Variants in SUPT5H observed in about 807,000 individuals in gnomAD.
The protein encoded by SUPT5H is transcription elongation factor SPT5.
A neutral mutation model predicts 142.5 loss-of-function variants in SUPT5H; 24 were observed. The observed-to-expected ratio is 0.17, with a 90% CI of 0.12 to 0.24. SUPT5H has a LOEUF of 0.24. Ranked by LOEUF, SUPT5H falls within the 10% of genes least tolerant of loss-of-function variation. The pLI is 1.00. For synonymous variants in SUPT5H, 546 were observed against 553.0 expected (o/e 0.99, Z 0.18); for missense variants, 893 against 1,471.8 (o/e 0.61, Z 6.43).
At chr19:39,471,760 T>G (rs1600723868) in intron 20 of SUPT5H, 30 bp downstream of exon 20, 2 of 1,603,120 alleles carry the variant, frequency 1.2e-6, no homozygotes, top group East Asian at 4.5e-5. Context: ...ACCCTGTGCG[T>G]TGGGTACCTG....
intron 10 of SUPT5H, among the ~76,000 whole-genome samples, chr19:39,461,519 T>G (rs1313204777): frequency 6.6e-6 from 1 of 151,870 alleles, no homozygotes; most frequent in African/African-American, 2.4e-5. Context: ...GACAACTGAT[T>G]TCTACAAAGA....
Position 39,469,003 on chromosome 19 carries a change from A to G in SUPT5H, c.1144-76A>G. On this transcript the variant is annotated intron_variant, in intron 14 of 29. Coordinates refer to ENST00000432763, the MANE Select transcript of SUPT5H (RefSeq NM_001111020.3). The surrounding 1 kb of genome is among the most constrained non-coding windows in gnomAD (Gnocchi z 5.1). ...TAGGAGAATTATTCCCCTAGGACCCACTCAGCCCACTCAGCTGGGCTGTTG... is the reference window on the plus strand; with the variant it reads ...TAGGAGAATTATTCCCCTAGGACCCGCTCAGCCCACTCAGCTGGGCTGTTG... 1 of 1,576,356 alleles carries G rather than the reference A, an allele frequency of 6.3e-7. No individual in the cohort carries two copies. The highest frequency in any genetic ancestry group is 8.7e-7 in the Non-Finnish European group (1 of 1,148,314).
intron 3 of SUPT5H, among the ~76,000 whole-genome samples, chr19:39,453,753 G>T (rs542416113): frequency 7.2e-5 from 11 of 152,226 alleles, no homozygotes; most frequent in South Asian, 4.1e-4. Context: ...TTTTAGTGGA[G>T]ACGGGGTTTC....
intron 2 of SUPT5H, among the ~76,000 whole-genome samples, chr19:39,446,463 G>A (rs76300438): frequency 0.013 from 2,051 of 152,302 alleles, 60 homozygotes; most frequent in African/African-American, 0.047. Context: ...TCTTGAAATA[G>A]GGTCATCAGC....
chr19:39,446,065 G>C, intron 2 of SUPT5H, 100 bp downstream of exon 2: 1 of 1,280,924 alleles, frequency 7.8e-7, no homozygotes, highest in Non-Finnish European at 1.1e-6. Flanking sequence ...GCGGGCTCTG[G>C]CTTCTGGGAA....
At chr19:39,452,245 G>A (rs2079030868) in intron 2 of SUPT5H, among the ~76,000 whole-genome samples, 1 of 152,176 alleles carries the variant, frequency 6.6e-6, no homozygotes, top group Non-Finnish European at 1.5e-5. Context: ...CCAGGATGCT[G>A]CTGGTGCATG....
At position 39,469,750 on chromosome 19, in the gene SUPT5H, A is replaced by G. The variant is rs2146119584; in HGVS notation, c.1374+352A>G. Reference sequence around the variant, plus strand: ...GTGTGTGTTTGTCTGTGTCTGGTGTATGTCTGAGGGGTTGTGCAGGCCCAG... The same window carrying G: ...GTGTGTGTTTGTCTGTGTCTGGTGTGTGTCTGAGGGGTTGTGCAGGCCCAG... On this transcript the variant is annotated intron_variant, in intron 16 of 29. Coordinates refer to ENST00000432763, the MANE Select transcript of SUPT5H (RefSeq NM_001111020.3). The surrounding 1 kb of genome is among the most constrained non-coding windows in gnomAD (Gnocchi z 5.1). 1 of 482,370 alleles carries G rather than the reference A, an allele frequency of 2.1e-6. No homozygotes were observed. Among genetic ancestry groups the G allele is most frequent in the Non-Finnish European group, 3.8e-6 (1 of 263,212 alleles). 29.9% of individuals were successfully genotyped at this position (482,370 alleles called of 1,614,324 possible). A position where few individuals can be genotyped will look rare whatever the true frequency, so the allele number is the denominator to read the frequency against.
In SUPT5H at chr19:39,476,290, C is replaced by T. The variant is rs377048747; in HGVS notation, c.3155C>T (p.Thr1052Met). The T allele has an allele frequency of 3.8e-5, 61 of 1,613,986 alleles. No homozygotes were observed. Among genetic ancestry groups the T allele is most frequent in the Non-Finnish European group, 4.7e-5 (56 of 1,180,036 alleles). The stretch of plus-strand genomic sequence containing the variant: ...ATCCTGGGCGAGGATCGGGAAGCCA[C>T]GGGCGTCCTACTGAGCATTGATGGT... Reference protein sequence around the residue: ...KVILGEDREATGVLLSIDGED... With the variant: ...KVILGEDREAMGVLLSIDGED... The change falls in exon 30 of 30, where the codon ACG becomes ATG. Residue 1052 changes from threonine to methionine, a missense_variant. By Grantham distance (81) the Thr-to-Met change is moderately conservative. Coordinates refer to ENST00000432763, the MANE Select transcript of SUPT5H (RefSeq NM_001111020.3).
rs376748341 is a variant in SUPT5H at position 39,473,563 on chromosome 19, T to C, written c.2492+42T>C. 1.6e-4 allele frequency: 254 copies of C among 1,581,760 alleles called. No homozygotes were observed. The highest frequency in any genetic ancestry group is 2.0e-4 in the Non-Finnish European group (234 of 1,166,634). On this transcript the variant is annotated intron_variant, in intron 25 of 29. Coordinates refer to ENST00000432763, the MANE Select transcript of SUPT5H (RefSeq NM_001111020.3). The surrounding 1 kb of genome is among the most constrained non-coding windows in gnomAD (Gnocchi z 5.8). The stretch of plus-strand genomic sequence containing the variant: ...CCAGGTTCTGGTGTGTGCTGGTGTG[T>C]GTGAGGGATGATGCTGGGTGTCTGG...
intron 2 of SUPT5H, among the ~76,000 whole-genome samples, chr19:39,452,542 G>A (rs2079033953): frequency 6.6e-6 from 1 of 152,140 alleles, no homozygotes; most frequent in South Asian, 2.1e-4. Context: ...GCATGGTTGG[G>A]GTGCCAGATG....
intron 10 of SUPT5H, 49 bp from the exon 11 acceptor site, chr19:39,464,749 T>G (rs1016900741): frequency 1.3e-5 from 20 of 1,544,966 alleles, no homozygotes; most frequent in Non-Finnish European, 1.7e-5. Flanking sequence ...ATTTCTGTTA[T>G]TAGCCGTTGT....
At chr19:39,465,843 C>A (rs566126938) in intron 11 of SUPT5H, among the ~76,000 whole-genome samples, 1 of 152,180 alleles carries the variant, frequency 6.6e-6, no homozygotes, top group Non-Finnish European at 1.5e-5. Context: ...CCCTAATACA[C>A]GTTGAGTGTC....
rs111255213 is a variant in SUPT5H, at chr19:39,457,756, G to C, written c.307+16G>C. 5.1e-5 allele frequency: 83 copies of C among 1,613,936 alleles called. No individual in the cohort carries two copies. The highest frequency in any genetic ancestry group is 6.9e-5 in the Non-Finnish European group (82 of 1,179,996). On this transcript the variant is annotated intron_variant, in intron 4 of 29. Coordinates refer to ENST00000432763, the MANE Select transcript of SUPT5H (RefSeq NM_001111020.3). ...CTAGAGAAAGGTGTGTGTGAGCCCT[G>C]CCTCCACAAGACTACTGGGAAGAGG... is the stretch of plus-strand genomic sequence containing the variant.
chr19:39,459,719 C>T, intron 9 of SUPT5H, 130 bp downstream of exon 9: 1 of 1,334,170 alleles, frequency 7.5e-7, no homozygotes, highest in East Asian at 2.3e-5. Context: ...CTCCATCCCT[C>T]ACTCCACGTT....
intron 13 of SUPT5H, 157 bp from the exon 14 acceptor site, chr19:39,468,599 G>A: frequency 1.6e-6 from 1 of 638,072 alleles, no homozygotes; most frequent in Non-Finnish European, 2.8e-6. Flanking sequence ...TTTGGGGTTT[G>A]TGAGAAGTCA....
chr19:39,462,642 T>C (rs2079177969), intron 10 of SUPT5H, among the ~76,000 whole-genome samples: 1 of 152,142 alleles, frequency 6.6e-6, no homozygotes, highest in African/African-American at 2.4e-5. Context: ...CTGATTCTCC[T>C]GTCTCAATCT....
rs145598227 is a variant in SUPT5H, at chr19:39,457,662, C to A, written c.242-13C>A. Reference sequence around the variant, plus strand: ...TCACCTTTGCCACTTACCACTTGGCCTTTCCGTTTTAGATGTTGACGATGA... The same window carrying A: ...TCACCTTTGCCACTTACCACTTGGCATTTCCGTTTTAGATGTTGACGATGA... On this transcript the variant is annotated splice_polypyrimidine_tract_variant and intron_variant, in intron 3 of 29. Transcript: ENST00000432763. 713 of 1,612,596 alleles carry A rather than the reference C, an allele frequency of 4.4e-4. No individual in the cohort carries two copies. The highest frequency in any genetic ancestry group is 5.8e-4 in the Non-Finnish European group (689 of 1,178,788).
At position 39,457,935 on chromosome 19, in the gene SUPT5H, C is replaced by T. The variant is rs1011042535; in HGVS notation, c.307+195C>T. 8 of 947,944 alleles carry T rather than the reference C, an allele frequency of 8.4e-6. No homozygotes were observed. The African/African-American group carries it at 1.3e-4, about 15-fold the overall frequency. The allele number at this position is 947,944 out of a possible 1,614,324, so 58.7% of individuals were successfully genotyped here. A position where few individuals can be genotyped will look rare whatever the true frequency, so the allele number is the denominator to read the frequency against. On this transcript the variant is annotated intron_variant, in intron 4 of 29. Transcript: ENST00000432763. ...AGGCCCATGAGTGGGGGGTGGGGCC[C>T]TGGGGTGGGGATGTTGTGGGGAGAG...
chr19:39,471,256 C>A, intron 18 of SUPT5H, 101 bp from the exon 19 acceptor site: 1 of 1,412,706 alleles, frequency 7.1e-7, no homozygotes, highest in Non-Finnish European at 9.8e-7. Flanking sequence ...GAGCTTGGGA[C>A]TGTCTCCCAC....
Sources: gnomAD v4.1 joint callset for allele counts (sites outside exome capture counted in the v4.1 genomes callset) on GRCh38, gnomAD v4.1.1 for gene constraint, Gnocchi (gnomAD v3.1) non-coding constraint, MANE v1.5 for transcripts, NCBI Gene and HGNC (gene_info 2026-07-23, HGNC 2026-07-21) for gene names.